FBXO28: variants seen among roughly 807,000 people sequenced by gnomAD.
FBXO28 encodes the protein F-box only protein 28.
FBXO28 carries 8 observed loss-of-function variants against 38.1 expected under a neutral mutation model. That is an observed-to-expected ratio of 0.21 (90% confidence interval 0.12 to 0.38). FBXO28 has a LOEUF of 0.38. Ranked by LOEUF, FBXO28 falls within the 10% of genes least tolerant of loss-of-function variation. FBXO28 has a pLI of 1.00. For missense variants in FBXO28, 345 were observed against 460.6 expected (o/e 0.75, Z 2.30); for synonymous variants, 168 against 173.8 (o/e 0.97, Z 0.26).
At chr1:224,151,527 G>A (rs1373419129) in intron 3 of FBXO28, among the ~76,000 whole-genome samples, 3 of 152,192 alleles carry the variant, frequency 2.0e-5, no homozygotes, top group African/African-American at 7.2e-5. Flanking sequence ...CTGCAAGATT[G>A]TTTCTCTGGC....
At chr1:224,147,054 C>T (rs796939656) in intron 3 of FBXO28, among the ~76,000 whole-genome samples, 1 of 151,930 alleles carries the variant, frequency 6.6e-6, no homozygotes, top group South Asian at 2.1e-4. Context: ...GTGGGTTCCA[C>T]ATTCATGGAT....
intron 1 of FBXO28, among the ~76,000 whole-genome samples, chr1:224,124,274 T>G (rs1572007591): frequency 6.6e-6 from 1 of 152,218 alleles, no homozygotes; most frequent in Admixed American, 6.5e-5. Flanking sequence ...CTACATTTAT[T>G]CTCTTACAGT....
intron 1 of FBXO28, among the ~76,000 whole-genome samples, chr1:224,117,352 G>A (rs1656665484): frequency 6.6e-6 from 1 of 151,916 alleles, no homozygotes; most frequent in Non-Finnish European, 1.5e-5. Flanking sequence ...TATTTTAGTA[G>A]AGACGGGGTT....
chr1:224,148,084 A>G (rs11579031), intron 3 of FBXO28, among the ~76,000 whole-genome samples: 6,269 of 152,292 alleles, frequency 0.041, 188 homozygotes, highest in Non-Finnish European at 0.065. Flanking sequence ...AATAATCTCT[A>G]TACAGTAAGA....
chr1:224,116,150 T>G (rs1163967861), intron 1 of FBXO28, among the ~76,000 whole-genome samples: 1 of 152,216 alleles, frequency 6.6e-6, no homozygotes, highest in South Asian at 2.1e-4. Context: ...CCGTTTTACA[T>G]GTGCAAATAT....
intron 3 of FBXO28, among the ~76,000 whole-genome samples, chr1:224,148,431 A>G (rs570278011): frequency 9.9e-5 from 15 of 152,106 alleles, no homozygotes; most frequent in Non-Finnish European, 1.9e-4. Context: ...CAGGCGGATC[A>G]TGAGGTCAGG....
rs778861061 is a variant in FBXO28, at chr1:224,139,187, A to G, written c.516+4975A>G. 1.8e-4 allele frequency among the ~76,000 whole-genome samples: 27 copies of G among 151,948 alleles called. 1 individual carries two copies. The highest frequency in any genetic ancestry group is 3.4e-4 in the Non-Finnish European group (23 of 68,036). ...GGGTTTTTACAGTATAATTGACTAC[A>G]TAAGGCCATGAAGCTATATTTCCCT... On this transcript the variant is annotated intron_variant, in intron 3 of 4. Transcript: ENST00000366862.
intron 3 of FBXO28, among the ~76,000 whole-genome samples, chr1:224,142,941 G>A (rs547564221): frequency 6.6e-5 from 10 of 151,908 alleles, no homozygotes; most frequent in Non-Finnish European, 1.3e-4. Context: ...AAGACACTCT[G>A]TCATAAATAA....
At chr1:224,114,669 C>T (rs1006557036) in intron 1 of FBXO28, among the ~76,000 whole-genome samples, 2 of 152,182 alleles carry the variant, frequency 1.3e-5, no homozygotes, top group African/African-American at 2.4e-5. Context: ...GGGCCCTCTA[C>T]GGGAGGGGTA....
chr1:224,149,938 G>A (rs1657601020), intron 3 of FBXO28, among the ~76,000 whole-genome samples: 1 of 152,150 alleles, frequency 6.6e-6, no homozygotes, highest in African/African-American at 2.4e-5. Flanking sequence ...AAGCCCTGGG[G>A]CAAAAAGGTG....
intron 3 of FBXO28, among the ~76,000 whole-genome samples, chr1:224,137,052 A>C (rs1436814619): frequency 6.6e-6 from 1 of 151,568 alleles, no homozygotes; most frequent in Non-Finnish European, 1.5e-5. Flanking sequence ...GTGCCTAGCC[A>C]CAGAAGCTTT....
intron 1 of FBXO28, among the ~76,000 whole-genome samples, chr1:224,116,377 C>T (rs529183123): frequency 6.6e-6 from 1 of 152,162 alleles, no homozygotes; most frequent in East Asian, 1.9e-4. Context: ...AAGAGAGTAC[C>T]TAGGTGAGCT....
At chr1:224,133,505 C>CA (rs1198156335) in intron 2 of FBXO28, among the ~76,000 whole-genome samples, 5 of 151,870 alleles carry the variant, frequency 3.3e-5, no homozygotes, top group Admixed American at 2.6e-4. Flanking sequence ...ATTTGATAGC[C>CA]AAAAAACCTT....
intron 3 of FBXO28, among the ~76,000 whole-genome samples, chr1:224,147,627 T>TG (rs5781351): frequency 1 from 151,844 of 151,924 alleles, 75,882 homozygotes; most frequent in Middle Eastern, 1. Flanking sequence ...TTTGACAATG[T>TG]GGTCCTGGAC....
intron 3 of FBXO28, among the ~76,000 whole-genome samples, chr1:224,143,560 C>CA (rs1657417669): frequency 6.6e-6 from 1 of 152,202 alleles, no homozygotes; most frequent in Non-Finnish European, 1.5e-5. Context: ...TGTGGTGGCT[C>CA]ACGCCTGTAA....
chr1:224,152,286 G>A (rs950256406), intron 3 of FBXO28, among the ~76,000 whole-genome samples: 1 of 152,084 alleles, frequency 6.6e-6, no homozygotes, highest in African/African-American at 2.4e-5. Context: ...ACAAGTCTCA[G>A]AGAAACAAAA....
chr1:224,157,633 G>A lies in FBXO28; in HGVS notation c.994G>A (p.Val332Ile), dbSNP rs766977598. ...ACTACGAGAAGTAATGGAAAGTGCTGTAGGAAATTCCTCAGGGTCCGGGCA... is the reference window on the plus strand; with the variant it reads ...ACTACGAGAAGTAATGGAAAGTGCTATAGGAAATTCCTCAGGGTCCGGGCA... ...RKLREVMESA[V>I]GNSSGSGQNE... Residue 332 changes from valine to isoleucine, a missense_variant, in exon 5 of 5, where the codon GTA becomes ATA. Coordinates refer to ENST00000366862, the MANE Select transcript of FBXO28 (RefSeq NM_015176.4). 9.3e-6 allele frequency: 15 copies of A among 1,614,232 alleles called. No homozygotes were observed. In the South Asian group the frequency reaches 1.6e-4, roughly 18 times the overall value.
chr1:224,126,078 A>G (rs377001317), intron 1 of FBXO28, among the ~76,000 whole-genome samples: 120 of 152,276 alleles, frequency 7.9e-4, no homozygotes, highest in African/African-American at 2.8e-3. Flanking sequence ...GTGCCTTTGC[A>G]TACACCATTA....
rs1469187285 is a variant in FBXO28 at position 224,160,307 on chromosome 1, A to G, written c.*2561A>G. The G allele has an allele frequency of 6.6e-6, 1 of 152,172 alleles. No homozygotes were observed. Among genetic ancestry groups the G allele is most frequent in the Non-Finnish European group, 1.5e-5 (1 of 68,032 alleles). The allele number at this position is 152,172 out of a possible 1,614,324, so 9.4% of individuals were successfully genotyped here. On this transcript the variant is annotated 3_prime_UTR_variant, in exon 5 of 5. Coordinates refer to ENST00000366862, the MANE Select transcript of FBXO28 (RefSeq NM_015176.4). ...CCTGCATTTTAAGTCAGGTATTTAAATACTGCGTGTTGTTAATATTGCGTT... is the reference window on the plus strand; with the variant it reads ...CCTGCATTTTAAGTCAGGTATTTAAGTACTGCGTGTTGTTAATATTGCGTT...
Sources: gnomAD v4.1 joint callset for allele counts (sites outside exome capture counted in the v4.1 genomes callset) on GRCh38, gnomAD v4.1.1 for gene constraint, MANE v1.5 for transcripts, NCBI Gene and HGNC (gene_info 2026-07-23, HGNC 2026-07-21) for gene names.